The following CDC14B variants were observed in gnomAD, a reference collection of about 807,000 sequenced individuals.
The protein encoded by CDC14B is cell division cycle 14B, also known as dual specificity protein phosphatase CDC14B.
Under a neutral mutation model 64.2 loss-of-function variants are expected in CDC14B, and 22 were observed. The observed-to-expected ratio is 0.34, with a 90% CI of 0.24 to 0.49. CDC14B has a LOEUF of 0.49. Ranked by LOEUF, CDC14B falls within the 20% of genes least tolerant of loss-of-function variation. The probability of loss-of-function intolerance (pLI) is 0.99; values close to 1 mark genes in which losing one functional copy is unlikely to be tolerated. For synonymous variants in CDC14B, 191 were observed against 215.8 expected, an observed-to-expected ratio of 0.89 and a Z score of 1.01; for missense variants, 498 against 629.9, an observed-to-expected ratio of 0.79 and a Z score of 2.24.
rs151098648 is a variant in CDC14B at position 96,523,647 on chromosome 9, G to A, written c.1025C>T (p.Ala342Val). Residue 342 changes from alanine to valine, a missense_variant, in exon 10 of 14, where the codon GCG becomes GTG. Transcript: ENST00000375241. Reference sequence around the variant, plus strand: ...GCCAGGTCTGCAGATCCTGACCCACGCAATGGTCTCGGCTGCTGTCATCCT... The same window carrying A: ...GCCAGGTCTGCAGATCCTGACCCACACAATGGTCTCGGCTGCTGTCATCCT... ...HYRMTAAETI[A>V]WVRICRPGSV... 17 of 1,613,964 alleles carry A rather than the reference G, an allele frequency of 1.1e-5. No homozygotes were observed. Among genetic ancestry groups the A allele is most frequent in the East Asian group, 2.2e-5 (1 of 44,890 alleles).
intron 1 of CDC14B, among the ~76,000 whole-genome samples, chr9:96,611,964 C>T (rs890861424): frequency 6.6e-6 from 1 of 152,106 alleles, no homozygotes; most frequent in Non-Finnish European, 1.5e-5. Context: ...TTAAGAAGAC[C>T]TCCCCAACAA....
At chr9:96,602,037 C>T (rs980338493) in intron 1 of CDC14B, among the ~76,000 whole-genome samples, 12 of 152,092 alleles carry the variant, frequency 7.9e-5, no homozygotes, top group East Asian at 1.9e-4. Context: ...CCAGCCTGGA[C>T]GACAGAGCGA....
intron 1 of CDC14B, among the ~76,000 whole-genome samples, chr9:96,615,657 G>A (rs768455791): frequency 2.7e-4 from 41 of 152,294 alleles, no homozygotes; most frequent in Non-Finnish European, 4.9e-4. Context: ...GAACGCTGGC[G>A]GCGTAGCCAT....
intron 1 of CDC14B, among the ~76,000 whole-genome samples, chr9:96,570,053 CTTT>C (rs1377726612): frequency 6.6e-6 from 1 of 152,128 alleles, no homozygotes; most frequent in East Asian, 1.9e-4. Context: ...ACTACTTCTT[CTTT>C]GAGTAACATG....
At chr9:96,527,551 A>T (rs955898468) in intron 9 of CDC14B, among the ~76,000 whole-genome samples, 7 of 152,222 alleles carry the variant, frequency 4.6e-5, no homozygotes, top group Middle Eastern at 3.4e-3. Flanking sequence ...ACCACCATCC[A>T]TCTTCAGAAC....
chr9:96,619,147 T>TG (rs1847826019), intron 1 of CDC14B, 72 bp downstream of exon 1: 1 of 1,167,006 alleles, frequency 8.6e-7, no homozygotes. Context: ...GGCAGCCCGG[T>TG]GGGAGGTGGG....
intron 5 of CDC14B, among the ~76,000 whole-genome samples, chr9:96,550,952 T>C (rs1472264730): frequency 6.6e-6 from 1 of 152,124 alleles, no homozygotes; most frequent in Non-Finnish European, 1.5e-5. Flanking sequence ...CTCTACTGAC[T>C]GTGTCCCCAG....
rs1833593890 is a variant in CDC14B at position 96,501,990 on chromosome 9, G to A, written c.*1763C>T. On this transcript the variant is annotated 3_prime_UTR_variant, in exon 14 of 14. Coordinates refer to ENST00000375241, the MANE Select transcript of CDC14B (RefSeq NM_033331.4). Reference sequence around the variant, plus strand: ...AGAAGAGGTGCCCTGAGAATTCAATGCTTTATGCATGGCACAGTTTGAATA... The same window carrying A: ...AGAAGAGGTGCCCTGAGAATTCAATACTTTATGCATGGCACAGTTTGAATA... The A allele has an allele frequency of 6.6e-6, 1 of 152,210 alleles. No homozygotes were observed. Among genetic ancestry groups the A allele is most frequent in the African/African-American group, 2.4e-5 (1 of 41,448 alleles). The allele number at this position is 152,210 out of a possible 1,614,324, so 9.4% of individuals were successfully genotyped here.
intron 9 of CDC14B, among the ~76,000 whole-genome samples, chr9:96,530,258 T>C (rs1003009403): frequency 6.6e-6 from 1 of 151,860 alleles, no homozygotes; most frequent in Non-Finnish European, 1.5e-5. Context: ...TAGCAGGGGC[T>C]CTGTGTGTGT....
intron 13 of CDC14B, among the ~76,000 whole-genome samples, chr9:96,495,055 C>T (rs1030159471): frequency 6.6e-6 from 1 of 151,680 alleles, no homozygotes; most frequent in Non-Finnish European, 1.5e-5. Context: ...AGGATGGGCT[C>T]GATCTCCTGA....
chr9:96,517,831 G>GTTTTTTTTTTTTTT (rs893654975), intron 12 of CDC14B, among the ~76,000 whole-genome samples: 45 of 143,772 alleles, frequency 3.1e-4, no homozygotes, highest in African/African-American at 1.1e-3. Context: ...ACCATGCCCA[G>GTTTTTTTTTTTTTT]TTTTTTTTTT....
In CDC14B at chr9:96,592,449, T is replaced by A. The variant is rs1270604324; in HGVS notation, c.160+26770A>T. 1.3e-5 allele frequency among the ~76,000 whole-genome samples: 2 copies of A among 152,190 alleles called. 1 individual carries two copies. Among genetic ancestry groups the A allele is most frequent in the East Asian group, 3.8e-4 (2 of 5,196 alleles). ...GCAAAGAAATCTATTCACTGAAATATGTTCACCATCAGTTTTGTAACTTAT... is the reference window on the plus strand; with the variant it reads ...GCAAAGAAATCTATTCACTGAAATAAGTTCACCATCAGTTTTGTAACTTAT... On this transcript the variant is annotated intron_variant, in intron 1 of 13. Transcript: ENST00000375241.
exon 14 of CDC14B, chr9:96,493,004 T>C (rs1833126488): frequency 6.6e-6 from 1 of 152,254 alleles, no homozygotes; most frequent in Admixed American, 6.5e-5. Flanking sequence ...CCAGCCTCCT[T>C]CCTTGTGCTG....
intron 1 of CDC14B, among the ~76,000 whole-genome samples, chr9:96,579,796 T>C (rs1338808890): frequency 6.6e-6 from 1 of 152,198 alleles, no homozygotes; most frequent in East Asian, 1.9e-4. Flanking sequence ...ACGCAGACTA[T>C]GCATAGCGTA....
intron 12 of CDC14B, among the ~76,000 whole-genome samples, chr9:96,519,822 T>C (rs764948295): frequency 6.6e-6 from 1 of 152,130 alleles, no homozygotes; most frequent in Non-Finnish European, 1.5e-5. Flanking sequence ...AGTACTTGTG[T>C]ATTTCTCACT....
At chr9:96,570,547 C>T (rs1844405983) in intron 1 of CDC14B, among the ~76,000 whole-genome samples, 1 of 152,190 alleles carries the variant, frequency 6.6e-6, no homozygotes, top group African/African-American at 2.4e-5. Flanking sequence ...TCCACCTGAA[C>T]AGATTGTCCC....
intron 1 of CDC14B, among the ~76,000 whole-genome samples, chr9:96,588,753 C>T (rs766527531): frequency 3.3e-5 from 5 of 152,154 alleles, no homozygotes; most frequent in Non-Finnish European, 7.3e-5. Context: ...GGATTACAGA[C>T]GTGAGCCATT....
intron 5 of CDC14B, among the ~76,000 whole-genome samples, chr9:96,545,475 GC>G (rs1840674015): frequency 6.6e-6 from 1 of 151,704 alleles, no homozygotes; most frequent in South Asian, 2.1e-4. Context: ...CTGCCACCAC[GC>G]CCAGCTAATT....
At chr9:96,611,433 G>A (rs1847317988) in intron 1 of CDC14B, among the ~76,000 whole-genome samples, 1 of 152,162 alleles carries the variant, frequency 6.6e-6, no homozygotes, top group African/African-American at 2.4e-5. Flanking sequence ...TCATAAAGAT[G>A]CCTGATCTAG....
Sources: gnomAD v4.1 joint callset for allele counts (sites outside exome capture counted in the v4.1 genomes callset) on GRCh38, gnomAD v4.1.1 for gene constraint, MANE v1.5 for transcripts, NCBI Gene and HGNC (gene_info 2026-07-23, HGNC 2026-07-21) for gene names.